The following MECOM variants were observed in gnomAD, a reference collection of about 807,000 sequenced individuals.
MECOM encodes MDS1 and EVI1 complex locus.
A neutral mutation model predicts 116.3 loss-of-function variants in MECOM; 13 were observed. The observed-to-expected ratio is 0.11, with a 90% CI of 0.07 to 0.18. The LOEUF (loss-of-function observed/expected upper bound fraction) is 0.18. Among genes scored for constraint, MECOM ranks in the 10% least tolerant of loss-of-function variants. The pLI, the probability that MECOM is intolerant of heterozygous loss-of-function variation, is 1.00. For synonymous variants in MECOM, 528 were observed against 535.2 expected (o/e 0.99, Z 0.19); for missense variants, 1,299 against 1,509.0 (o/e 0.86, Z 2.31).
At chr3:169,619,024 A>T (rs990664490) in intron 1 of MECOM, among the ~76,000 whole-genome samples, 3 of 152,170 alleles carry the variant, frequency 2.0e-5, no homozygotes, top group Non-Finnish European at 4.4e-5. Flanking sequence ...TTTAAAAAAA[A>T]AAAAAAGTCC....
chr3:169,298,428 A>T (rs1462088920), intron 2 of MECOM, among the ~76,000 whole-genome samples: 2 of 151,858 alleles, frequency 1.3e-5, no homozygotes, highest in Non-Finnish European at 2.9e-5. Flanking sequence ...TATATTGATA[A>T]CATTTCATAT....
intron 1 of MECOM, among the ~76,000 whole-genome samples, chr3:169,394,247 A>G (rs960282659): frequency 3.9e-5 from 6 of 152,168 alleles, no homozygotes; most frequent in African/African-American, 1.4e-4. Context: ...GTAAATCACC[A>G]TGAGGGGGTC....
At position 169,096,997 on chromosome 3, in the gene MECOM, T is replaced by C. The variant is rs9809365; in HGVS notation, c.2850-1752A>G. Among the ~76,000 whole-genome samples, 772 of 151,876 alleles carry C rather than the reference T, an allele frequency of 5.1e-3. 10 individuals carry two copies. The highest frequency in any genetic ancestry group is 0.017 in the African/African-American group (716 of 41,406). On this transcript the variant is annotated intron_variant, in intron 12 of 16. Transcript: ENST00000651503. Reference sequence around the variant, plus strand: ...TTTTTTTTAAATGCGTATAAAGTTATGACCTTCTCTGCAATAACTCTGTTT... The same window carrying C: ...TTTTTTTTAAATGCGTATAAAGTTACGACCTTCTCTGCAATAACTCTGTTT...
chr3:169,325,547 T>C (rs1721695289), intron 2 of MECOM, among the ~76,000 whole-genome samples: 1 of 152,206 alleles, frequency 6.6e-6, no homozygotes, highest in Admixed American at 6.5e-5. Flanking sequence ...CAAACTTTGA[T>C]TCTTAACTTA....
At chr3:169,596,294 A>T (rs540413804) in intron 1 of MECOM, among the ~76,000 whole-genome samples, 69 of 152,310 alleles carry the variant, frequency 4.5e-4, no homozygotes, top group Non-Finnish European at 9.1e-4. Context: ...GGCATATTGG[A>T]TGAGCACATT....
intron 1 of MECOM, among the ~76,000 whole-genome samples, chr3:169,421,229 G>C (rs979157722): frequency 6.6e-6 from 1 of 152,056 alleles, no homozygotes; most frequent in African/African-American, 2.4e-5. Flanking sequence ...TTTAAATGTT[G>C]ATCATTTATT....
intron 2 of MECOM, among the ~76,000 whole-genome samples, chr3:169,344,297 G>A (rs1725011358): frequency 6.6e-6 from 1 of 151,818 alleles, no homozygotes; most frequent in Non-Finnish European, 1.5e-5. Context: ...TATAGTGAGG[G>A]GTTATTTATA....
rs1177213825 is a variant in MECOM at position 169,444,948 on chromosome 3, G to A, written c.38-63424C>T. Among the ~76,000 whole-genome samples the A allele has an allele frequency of 2.6e-5, 4 of 152,158 alleles. No individual in the cohort carries two copies. In the East Asian group the frequency reaches 7.7e-4, roughly 29 times the overall value. The stretch of plus-strand genomic sequence containing the variant: ...CTGGAGGCATTTTGCCCCTGCCCTA[G>A]AGATCTGTGGAACTTTGAACTTGAG... On this transcript the variant is annotated intron_variant, in intron 1 of 16. Transcript: ENST00000651503.
intron 3 of MECOM, among the ~76,000 whole-genome samples, chr3:169,139,162 CT>C (rs890204692): frequency 2.6e-5 from 4 of 152,108 alleles, no homozygotes; most frequent in Admixed American, 2.0e-4. Context: ...ACTCATTCTT[CT>C]GTAACTCATT....
chr3:169,127,232 A>C (rs1046037363), intron 5 of MECOM, among the ~76,000 whole-genome samples: 1 of 152,138 alleles, frequency 6.6e-6, no homozygotes, highest in Admixed American at 6.5e-5. Context: ...TAAAAAGTTA[A>C]TATGTCACTG....
At chr3:169,269,492 A>C (rs937202604) in intron 2 of MECOM, among the ~76,000 whole-genome samples, 1 of 152,240 alleles carries the variant, frequency 6.6e-6, no homozygotes, top group African/African-American at 2.4e-5. Context: ...TTTAGTTGCA[A>C]TGAACTCAAA....
intron 1 of MECOM, among the ~76,000 whole-genome samples, chr3:169,565,708 G>A (rs1433014440): frequency 2.6e-5 from 4 of 152,170 alleles, no homozygotes; most frequent in African/African-American, 7.2e-5. Context: ...AAATCTGGGT[G>A]GTCAGGCTTG....
At chr3:169,601,621 G>A (rs912442897) in intron 1 of MECOM, among the ~76,000 whole-genome samples, 3 of 152,170 alleles carry the variant, frequency 2.0e-5, no homozygotes, top group Non-Finnish European at 2.9e-5. Flanking sequence ...GGAAAAAGGT[G>A]TTCTCTCTGA....
At chr3:169,583,061 C>G (rs1700138880) in intron 1 of MECOM, among the ~76,000 whole-genome samples, 1 of 152,132 alleles carries the variant, frequency 6.6e-6, no homozygotes. Flanking sequence ...GGAAATGAAC[C>G]AGCTCCAGTT....
chr3:169,362,076 GTATC>G (rs1728396785), intron 2 of MECOM, among the ~76,000 whole-genome samples: 1 of 151,826 alleles, frequency 6.6e-6, no homozygotes, highest in South Asian at 2.1e-4. Flanking sequence ...GATAAAACAA[GTATC>G]TATTTTCTAT....
chr3:169,278,827 A>C (rs1003071363), intron 2 of MECOM, among the ~76,000 whole-genome samples: 20 of 152,208 alleles, frequency 1.3e-4, no homozygotes, highest in Admixed American at 1.3e-3. Context: ...TCACTGTTTG[A>C]GCATTTATTT....
chr3:169,594,062 A>G (rs545095146), intron 1 of MECOM, among the ~76,000 whole-genome samples: 1 of 148,246 alleles, frequency 6.7e-6, no homozygotes, highest in Non-Finnish European at 1.5e-5. Context: ...CAGAGGTTGC[A>G]GTGAGCCGAG....
intron 1 of MECOM, among the ~76,000 whole-genome samples, chr3:169,496,306 GT>G (rs1753806304): frequency 6.6e-6 from 1 of 152,198 alleles, no homozygotes; most frequent in South Asian, 2.1e-4. Flanking sequence ...ATATTCTCAT[GT>G]TAGAACCAAA....
chr3:169,630,683 A>G (rs1771978445), intron 1 of MECOM, among the ~76,000 whole-genome samples: 1 of 152,196 alleles, frequency 6.6e-6, no homozygotes, highest in African/African-American at 2.4e-5. Flanking sequence ...GGCTGGTCTT[A>G]AATCCCTGGC....
Sources: gnomAD v4.1 joint callset for allele counts (sites outside exome capture counted in the v4.1 genomes callset) on GRCh38, gnomAD v4.1.1 for gene constraint, MANE v1.5 for transcripts, NCBI Gene and HGNC (gene_info 2026-07-23, HGNC 2026-07-21) for gene names.